The following CROCC variants were observed in gnomAD, a reference collection of about 807,000 sequenced individuals.
CROCC encodes the protein ciliary rootlet coiled-coil, rootletin.
A neutral mutation model predicts 245.2 loss-of-function variants in CROCC; 180 were observed. The ratio of observed to expected loss-of-function variants is 0.73; its 90% confidence interval spans 0.65 to 0.83. The LOEUF is 0.83. Ranked by LOEUF, CROCC falls within the 40% of genes least tolerant of loss-of-function variation. CROCC has a pLI of 0.00. For synonymous variants in CROCC, 1,205 were observed against 1,241.6 expected, an observed-to-expected ratio of 0.97 and a Z score of 0.62; for missense variants, 2,688 against 2,779.4, an observed-to-expected ratio of 0.97 and a Z score of 0.74.
Position 16,966,026 on chromosome 1 carries a change from C to T in CROCC, c.4603C>T (p.Leu1535=), listed in dbSNP as rs1336734301. 1 of 1,613,834 alleles carries T rather than the reference C, an allele frequency of 6.2e-7. No individual in the cohort carries two copies. The highest frequency in any genetic ancestry group is 8.5e-7 in the Non-Finnish European group (1 of 1,179,812). Residue 1535 remains leucine, a synonymous_variant, in exon 29 of 37, where the codon CTG becomes TTG. Transcript: ENST00000375541. This position sits in a 1 kb window ranked among gnomAD's most constrained non-coding sequence, Gnocchi z 4.8. ...CGAACTTCGGACCCAGACCAGTGCC[C>T]TGAATCGCCAGCTGGCCGAGATGGA... ...RDELRTQTSA[L]NRQLAEMEAE...
At chr1:16,941,324 C>G (rs1266956695) in intron 13 of CROCC, 2 of 152,414 alleles carry the variant, frequency 1.3e-5, no homozygotes, top group Non-Finnish European at 2.9e-5. Context: ...ATTCAGGAGG[C>G]TGAGGTGGGA....
At position 16,969,345 on chromosome 1, in the gene CROCC, C is replaced by T. The variant is rs375260392; in HGVS notation, c.5301+5C>T. The T allele has an allele frequency of 6.4e-5, 103 of 1,607,436 alleles. No homozygotes were observed. In the African/African-American group the frequency reaches 7.3e-4, roughly 11 times the overall value. On this transcript the variant is annotated splice_donor_5th_base_variant and intron_variant, in intron 32 of 36. Transcript: ENST00000375541. ...CATGACCGCCAAGTACTCCAGGTCTCGGGCCCAGGGTCTGGCTGGGGTGGG... is the reference window on the plus strand; with the variant it reads ...CATGACCGCCAAGTACTCCAGGTCTTGGGCCCAGGGTCTGGCTGGGGTGGG...
chr1:16,972,511 G>GT lies in CROCC; in HGVS notation c.*65_*66insT. ...CAGGGGAGGACCCTTCTTTTGGACAGCCCCCCCACCCAGAGCCCGGTCCCT... is the reference window on the plus strand; with the variant it reads ...CAGGGGAGGACCCTTCTTTTGGACAGTCCCCCCCACCCAGAGCCCGGTCCCT... On this transcript the variant is annotated 3_prime_UTR_variant, in exon 37 of 37. Coordinates refer to ENST00000375541, the MANE Select transcript of CROCC (RefSeq NM_014675.5). The GT allele has an allele frequency of 1.2e-6, 1 of 819,632 alleles. No homozygotes were observed. Among genetic ancestry groups the GT allele is most frequent in the Non-Finnish European group, 1.7e-6 (1 of 572,946 alleles). The allele number at this position is 819,632 out of a possible 1,614,324, so 50.8% of individuals were successfully genotyped here. A position where few individuals can be genotyped will look rare whatever the true frequency, so the allele number is the denominator to read the frequency against.
chr1:16,948,310 C>A, intron 17 of CROCC, 21 bp from the exon 18 acceptor site: 1 of 1,541,864 alleles, frequency 6.5e-7, no homozygotes, highest in South Asian at 1.2e-5. Flanking sequence ...GAGTGCTACT[C>A]AGTCTCTGGG....
chr1:16,964,502 C>T (rs1473158628), intron 27 of CROCC, among the ~76,000 whole-genome samples: 1 of 152,142 alleles, frequency 6.6e-6, no homozygotes, highest in Non-Finnish European at 1.5e-5. Flanking sequence ...AATTCTCCTG[C>T]CTCAGCCTCC....
chr1:16,935,258 C>G (rs1450579588), intron 8 of CROCC, among the ~76,000 whole-genome samples: 3 of 152,086 alleles, frequency 2.0e-5, no homozygotes, highest in African/African-American at 7.2e-5. Flanking sequence ...AAGCAGATCA[C>G]ACACACACAC....
At chr1:16,936,480 G>A (rs1242644392) in intron 8 of CROCC, among the ~76,000 whole-genome samples, 157 bp from the exon 9 acceptor site, 1 of 152,280 alleles carries the variant, frequency 6.6e-6, no homozygotes, top group African/African-American at 2.4e-5. Context: ...TGTTGGCCAG[G>A]CTGGTCTCGA....
At chr1:16,961,267 ACTT>A in intron 27 of CROCC, 137 bp downstream of exon 27, 1 of 860,948 alleles carries the variant, frequency 1.2e-6, no homozygotes, top group Non-Finnish European at 1.5e-6. Flanking sequence ...ACTGAGGTCC[ACTT>A]CTTAGCCCCG....
At chr1:16,933,339 T>C (rs549246664) in intron 8 of CROCC, among the ~76,000 whole-genome samples, 31 of 152,288 alleles carry the variant, frequency 2.0e-4, no homozygotes, top group African/African-American at 7.0e-4. Context: ...TGGTGACACA[T>C]GCCTGTAATC....
intron 1 of CROCC, among the ~76,000 whole-genome samples, chr1:16,915,732 G>T (rs1436906655): frequency 1.3e-5 from 2 of 152,268 alleles, no homozygotes; most frequent in Non-Finnish European, 2.9e-5. Flanking sequence ...GAGAGTCGGG[G>T]TAGCTCCCTC....
At chr1:16,925,795 G>A (rs185852644) in intron 3 of CROCC, among the ~76,000 whole-genome samples, 516 of 152,172 alleles carry the variant, frequency 3.4e-3, no homozygotes, top group African/African-American at 0.012. Flanking sequence ...CAGAGTAGGC[G>A]GCCCGCAGTG....
rs1364683310 is a variant in CROCC, at chr1:16,931,467, T to C, written c.956+70T>C. 1.5e-5 allele frequency: 22 copies of C among 1,423,536 alleles called. No individual in the cohort carries two copies. In the African/African-American group the frequency reaches 1.7e-4, roughly 11 times the overall value. The allele number at this position is 1,423,536 out of a possible 1,614,324, so 88.2% of individuals were successfully genotyped here. The stretch of plus-strand genomic sequence containing the variant: ...GCTCTTTATGTCCAACTGAACTCAG[T>C]TGAATTTCAGTTCAACTCAACGCAC... On this transcript the variant is annotated intron_variant, in intron 8 of 36. Coordinates refer to ENST00000375541, the MANE Select transcript of CROCC (RefSeq NM_014675.5).
chr1:16,925,097 CG>C, intron 3 of CROCC, among the ~76,000 whole-genome samples: 1 of 152,362 alleles, frequency 6.6e-6, no homozygotes, highest in African/African-American at 2.4e-5. Flanking sequence ...GCGAGGGGTG[CG>C]GGATGCTCTT....
intron 3 of CROCC, among the ~76,000 whole-genome samples, chr1:16,926,284 C>T (rs1000717614): frequency 1.3e-5 from 2 of 152,260 alleles, no homozygotes; most frequent in African/African-American, 4.8e-5. Context: ...ACTTCAGAGC[C>T]TAGAGATCAC....
At position 16,922,702 on chromosome 1, in the gene CROCC, GGC is replaced by G. The variant is rs758150730; in HGVS notation, c.106_107del (p.Arg36GlyfsTer27). 6.2e-7 allele frequency: 1 copy of G among 1,613,608 alleles called. No individual in the cohort carries two copies. Among genetic ancestry groups the G allele is most frequent in the East Asian group, 2.2e-5 (1 of 44,890 alleles). ...SSVLCQEKGL[G>X]ARDLAQDAQI... is the part of the protein sequence containing the mutation. ...CGTCCTGTGCCAGGAGAAAGGCTTG[GGC>G]GCGCGGGACCTGGCCCAGGACGCTC... is the stretch of plus-strand genomic sequence containing the variant. On this transcript the variant is annotated frameshift_variant, in exon 2 of 37. Transcript: ENST00000375541. LOFTEE classifies it high-confidence loss of function.
chr1:16,960,703 G>A, intron 26 of CROCC, 55 bp from the exon 27 acceptor site: 3 of 1,427,866 alleles, frequency 2.1e-6, no homozygotes, highest in Middle Eastern at 5.1e-4. Flanking sequence ...CCTTAGGGGT[G>A]GGGCGTCGGG....
rs145088791 is a variant in CROCC at position 16,936,719 on chromosome 1, C to T, written c.1039C>T (p.Arg347Trp). The T allele has an allele frequency of 0.022, 35,174 of 1,597,398 alleles. 10 individuals carry two copies. The highest frequency in any genetic ancestry group is 0.034 in the Middle Eastern group (189 of 5,568). ...GGGCCTGGGACTGAGCACGGGCCTA[C>T]GGCTGGCAGAGAGCCGGGCCGAGGC... Reference protein sequence around the residue: ...EAGLGLSTGLRLAESRAEAAL... With the variant: ...EAGLGLSTGLWLAESRAEAAL... Residue 347 changes from arginine (R) to tryptophan (W), a missense_variant, in exon 9 of 37, where the codon CGG (arginine) becomes TGG (tryptophan). By Grantham distance (101) the Arg-to-Trp change is moderately radical. This residue lies in a region of CROCC where 972 missense variants were observed against 895.3 expected (regional missense o/e 1.09). Transcript: ENST00000375541.
intron 1 of CROCC, among the ~76,000 whole-genome samples, chr1:16,914,353 G>A (rs1377999446): frequency 6.6e-6 from 1 of 152,230 alleles, no homozygotes; most frequent in Non-Finnish European, 1.5e-5. Flanking sequence ...TGCCCGGATT[G>A]TCGCGGGCCG....
intron 13 of CROCC, 24 bp downstream of exon 13, chr1:16,940,117 G>A: frequency 6.3e-7 from 1 of 1,576,730 alleles, no homozygotes; most frequent in Non-Finnish European, 8.6e-7. Flanking sequence ...CTGAGCTGGG[G>A]GGTACTGAAG....
Sources: allele counts gnomAD v4.1 joint callset (sites outside exome capture counted in the v4.1 genomes callset), GRCh38; gene constraint gnomAD v4.1.1; regional missense constraint gnomAD v4.1.1; non-coding constraint Gnocchi (gnomAD v3.1); transcripts MANE v1.5; gene names NCBI Gene and HGNC (gene_info 2026-07-23, HGNC 2026-07-21).